The following RND3 variants were observed in gnomAD, a reference collection of about 807,000 sequenced individuals.
The protein encoded by RND3 is rho-related GTP-binding protein RhoE.
RND3 carries 8 observed loss-of-function variants against 26.5 expected under a neutral mutation model. That is an observed-to-expected ratio of 0.30 (90% confidence interval 0.18 to 0.54). The LOEUF is 0.54. RND3 is among the 20% of genes least tolerant of loss of function. RND3 has a pLI of 0.94. For synonymous variants in RND3, 113 were observed against 113.0 expected, an observed-to-expected ratio of 1.00 and a Z score of 0.00; for missense variants, 207 against 302.8, an observed-to-expected ratio of 0.68 and a Z score of 2.35.
chr2:150,484,499 C>A (rs144696126), intron 3 of RND3, among the ~76,000 whole-genome samples: 3 of 152,190 alleles, frequency 2.0e-5, no homozygotes, highest in African/African-American at 7.2e-5. Context: ...ACCCATTCCC[C>A]CTCCCTGTCC....
At chr2:150,482,564 G>T (rs559683303) in intron 3 of RND3, among the ~76,000 whole-genome samples, 4 of 152,214 alleles carry the variant, frequency 2.6e-5, no homozygotes, top group Admixed American at 6.5e-5. Flanking sequence ...GGAAAATGAA[G>T]AAGTTATGGG....
intron 5 of RND3, among the ~76,000 whole-genome samples, chr2:150,470,794 G>A (rs543932100): frequency 2.0e-5 from 3 of 152,278 alleles, no homozygotes; most frequent in African/African-American, 7.2e-5. Flanking sequence ...GCCTCATGGT[G>A]CACTTCATTT....
At chr2:150,479,702 G>A (rs988617507) in intron 3 of RND3, among the ~76,000 whole-genome samples, 1 of 152,190 alleles carries the variant, frequency 6.6e-6, no homozygotes. Context: ...TCTCTAATCA[G>A]AGGAAAAGGT....
intron 4 of RND3, among the ~76,000 whole-genome samples, chr2:150,474,157 G>C (rs1458047095): frequency 6.6e-6 from 1 of 152,114 alleles, no homozygotes. Context: ...CCTCCCACTG[G>C]CCTCCCTAGT....
At chr2:150,472,546 A>G (rs1238847174) in intron 4 of RND3, among the ~76,000 whole-genome samples, 1 of 152,194 alleles carries the variant, frequency 6.6e-6, no homozygotes, top group East Asian at 1.9e-4. Flanking sequence ...ACAAGCAAGC[A>G]GCTTTTTGTG....
intron 3 of RND3, among the ~76,000 whole-genome samples, chr2:150,482,640 TG>T (rs60542035): frequency 2.9e-5 from 4 of 138,082 alleles, no homozygotes; most frequent in Admixed American, 1.7e-4. Flanking sequence ...TTACTTTTGT[TG>T]GGGGGGCTGG....
chr2:150,470,993 T>C (rs938202359), intron 5 of RND3, among the ~76,000 whole-genome samples: 1 of 152,210 alleles, frequency 6.6e-6, no homozygotes, highest in African/African-American at 2.4e-5. Context: ...ACATATGTAA[T>C]TTCTAAGTGT....
At chr2:150,480,291 C>G (rs570537313) in intron 3 of RND3, among the ~76,000 whole-genome samples, 2 of 152,112 alleles carry the variant, frequency 1.3e-5, no homozygotes, top group Non-Finnish European at 2.9e-5. Flanking sequence ...GCTCATTTTT[C>G]AAAACCAATG....
intron 3 of RND3, among the ~76,000 whole-genome samples, chr2:150,483,759 GC>G (rs1176225337): frequency 6.6e-6 from 1 of 152,162 alleles, no homozygotes; most frequent in Non-Finnish European, 1.5e-5. Context: ...ATGGAAACAG[GC>G]TATTCTTAGA....
Position 150,470,337 on chromosome 2 carries a change from G to A in RND3, c.484-99C>T, listed in dbSNP as rs1371045338. The A allele has an allele frequency of 5.5e-5, 71 of 1,293,528 alleles. 1 individual carries two copies. In the East Asian group the frequency reaches 6.2e-4, roughly 11 times the overall value. 80.1% of individuals were successfully genotyped at this position (1,293,528 alleles called of 1,614,324 possible). The stretch of plus-strand genomic sequence containing the variant: ...ACAAAATAATAACACATTGCAAAAC[G>A]TTTGCTGATATGTTAACTGAATTTT... On this transcript the variant is annotated intron_variant, in intron 5 of 5. Coordinates refer to ENST00000263895, the MANE Select transcript of RND3 (RefSeq NM_005168.5).
In RND3 at chr2:150,470,166, C is replaced by T. The variant is rs144867114; in HGVS notation, c.556G>A (p.Val186Ile). Residue 186 changes from valine (V) to isoleucine (I), a missense_variant, in exon 6 of 6, where the codon GTC becomes ATC. Coordinates refer to ENST00000263895, the MANE Select transcript of RND3 (RefSeq NM_005168.5). Reference sequence around the variant, plus strand: ...GTGGCAACGTGAAAAATGTCTCTGACGCTATTTTCCGACTGTAAAGCTGAG... The same window carrying T: ...GTGGCAACGTGAAAAATGTCTCTGATGCTATTTTCCGACTGTAAAGCTGAG... ...ECSALQSENS[V>I]RDIFHVATLA... The T allele has an allele frequency of 1.8e-4, 297 of 1,613,928 alleles. No homozygotes were observed. The highest frequency in any genetic ancestry group is 2.3e-4 in the Non-Finnish European group (274 of 1,179,916).
In RND3 at chr2:150,470,589, C is replaced by T. The variant is rs561959143; in HGVS notation, c.484-351G>A. 3.9e-4 allele frequency among the ~76,000 whole-genome samples: 60 copies of T among 152,192 alleles called. 1 individual carries two copies. The South Asian group carries it at 8.1e-3, about 21-fold the overall frequency. ...TCAAAGAAGTGTAGAGTGGAGCTAA[C>T]GAAGTGATTCATCTTCACTATCAAC... On this transcript the variant is annotated intron_variant, in intron 5 of 5. Coordinates refer to ENST00000263895, the MANE Select transcript of RND3 (RefSeq NM_005168.5).
At chr2:150,471,579 C>G (rs1686088453) in intron 5 of RND3, 48 bp downstream of exon 5, 1 of 1,495,788 alleles carries the variant, frequency 6.7e-7, no homozygotes, top group Non-Finnish European at 9.1e-7. Context: ...TAGTCCATTT[C>G]TTTCACTCTT....
chr2:150,482,340 A>G (rs1686287481), intron 3 of RND3, among the ~76,000 whole-genome samples: 1 of 152,200 alleles, frequency 6.6e-6, no homozygotes, highest in African/African-American at 2.4e-5. Flanking sequence ...ATTAGTAGGC[A>G]TTTGGCTTCA....
At chr2:150,478,087 T>G (rs1686196593) in intron 3 of RND3, among the ~76,000 whole-genome samples, 1 of 152,132 alleles carries the variant, frequency 6.6e-6, no homozygotes, top group African/African-American at 2.4e-5. Context: ...GATAGAAATA[T>G]CTATTGTCTC....
intron 4 of RND3, among the ~76,000 whole-genome samples, chr2:150,473,422 G>C (rs1294256699): frequency 7.9e-5 from 12 of 152,112 alleles, no homozygotes; most frequent in Non-Finnish European, 1.6e-4. Context: ...TAGTAAATAA[G>C]CAACCCCTTT....
At chr2:150,478,434 T>C (rs983816571) in intron 3 of RND3, among the ~76,000 whole-genome samples, 3 of 151,254 alleles carry the variant, frequency 2.0e-5, no homozygotes, top group Admixed American at 2.0e-4. Flanking sequence ...CAGAAATGAC[T>C]CTGTGAAGTG....
chr2:150,469,941 T>G lies in RND3; in HGVS notation c.*46A>C, dbSNP rs764386681. ...GACTTCACCTTTTTGTTTGCTGTTG[T>G]TTTTTACACTAGATTCCTTTGTCTT... On this transcript the variant is annotated 3_prime_UTR_variant, in exon 6 of 6. Transcript: ENST00000263895. The G allele has an allele frequency of 6.2e-7, 1 of 1,601,786 alleles. No individual in the cohort carries two copies. The highest frequency in any genetic ancestry group is 8.5e-7 in the Non-Finnish European group (1 of 1,172,412).
chr2:150,473,464 G>A (rs62169671), intron 4 of RND3, among the ~76,000 whole-genome samples: 3,551 of 152,268 alleles, frequency 0.023, 66 homozygotes, highest in Non-Finnish European at 0.034. Context: ...ATGTTGTTAT[G>A]TTGCTCTTCA....
Sources: gnomAD v4.1 joint callset for allele counts (sites outside exome capture counted in the v4.1 genomes callset) on GRCh38, gnomAD v4.1.1 for gene constraint, MANE v1.5 for transcripts, NCBI Gene and HGNC (gene_info 2026-07-23, HGNC 2026-07-21) for gene names.